ESYT1: variants seen among roughly 807,000 people sequenced by gnomAD.
The protein encoded by ESYT1 is extended synaptotagmin 1, also known as extended synaptotagmin-1.
In ESYT1, 116 loss-of-function variants were observed where a neutral mutation model predicts 154.2. The observed-to-expected ratio is 0.75, with a 90% CI of 0.65 to 0.88. The LOEUF is 0.88. Ranked by LOEUF, ESYT1 falls within the 40% of genes least tolerant of loss-of-function variation. The pLI is 0.00. For missense variants in ESYT1, 1,264 were observed against 1,379.3 expected (o/e 0.92, Z 1.32); for synonymous variants, 500 against 539.9 (o/e 0.93, Z 1.02).
In ESYT1 at chr12:56,138,444, C is replaced by G; in HGVS notation, c.2378C>G (p.Ala793Gly). ...AGTTTGATCCAGACTCAGAAGAGTG[C>G]GGAGCTGGCTGCGGCCCTGCTATCC... ...VNSLIQTQKS[A>G]ELAAALLSIY... The change falls in exon 22 of 31, where the codon GCG (alanine) becomes GGG (glycine). Residue 793 changes from alanine to glycine, a missense_variant. Physicochemically the swap from Ala to Gly is moderately conservative, Grantham distance 60 (BLOSUM62 0). Transcript: ENST00000394048. 6.2e-7 allele frequency: 1 copy of G among 1,613,326 alleles called. No individual in the cohort carries two copies. The highest frequency in any genetic ancestry group is 8.5e-7 in the Non-Finnish European group (1 of 1,179,836).
chr12:56,129,319 G>A (rs973840987), intron 1 of ESYT1: 1 of 159,774 alleles, frequency 6.3e-6, no homozygotes, highest in African/African-American at 2.4e-5. Context: ...AGGAGGTGGT[G>A]CGGCTGCTGC....
intron 24 of ESYT1, among the ~76,000 whole-genome samples, chr12:56,139,516 A>T (rs1870603319): frequency 6.6e-6 from 1 of 151,958 alleles, no homozygotes; most frequent in African/African-American, 2.4e-5. Context: ...CACTGTGGGG[A>T]AGAAAGGAAG....
chr12:56,136,922 TG>T (rs1470910803), intron 16 of ESYT1, 29 bp downstream of exon 16: 2 of 1,553,530 alleles, frequency 1.3e-6, no homozygotes, highest in Non-Finnish European at 1.7e-6. Flanking sequence ...TACTGAGGTG[TG>T]GGGGAAAGGC....
In ESYT1 at chr12:56,142,913, C is replaced by T. The variant is rs1279667140; in HGVS notation, c.2967C>T (p.Val989=). Reference sequence around the variant, plus strand: ...ACTACAGTGAAGAACGAAAGCTGGTCAGCATTGTTCATGGTTGCCGGTGAG... The same window carrying T: ...ACTACAGTGAAGAACGAAAGCTGGTTAGCATTGTTCATGGTTGCCGGTGAG... ...LWYYSEERKL[V]SIVHGCRSLR... The change falls in exon 27 of 31, where the codon GTC becomes GTT. Residue 989 remains valine, a synonymous_variant. Transcript: ENST00000394048. The surrounding 1 kb of genome is among the most constrained non-coding windows in gnomAD (Gnocchi z 4.1). 14 of 1,614,130 alleles carry T rather than the reference C, an allele frequency of 8.7e-6. No homozygotes were observed. Among genetic ancestry groups the T allele is most frequent in the Non-Finnish European group, 1.1e-5 (13 of 1,180,042 alleles).
rs1870833970 is a variant in ESYT1, at chr12:56,144,276, G to A, written c.*414G>A. 2.8e-6 allele frequency: 3 copies of A among 1,072,522 alleles called. No homozygotes were observed. The highest frequency in any genetic ancestry group is 3.4e-6 in the Non-Finnish European group (3 of 881,670). 66.4% of individuals were successfully genotyped at this position (1,072,522 alleles called of 1,614,324 possible). On this transcript the variant is annotated 3_prime_UTR_variant, in exon 31 of 31. Coordinates refer to ENST00000394048, the MANE Select transcript of ESYT1 (RefSeq NM_015292.3). Reference sequence around the variant, plus strand: ...CTTCTTCCCTACCACACATGGGTGGGAAGGTGGACAGGCTAACCTCTCCAG... The same window carrying A: ...CTTCTTCCCTACCACACATGGGTGGAAAGGTGGACAGGCTAACCTCTCCAG...
Position 56,132,553 on chromosome 12 carries a change from G to A in ESYT1, c.1117G>A (p.Val373Ile). ...GGGTACCCAGACATTCTGCAGTCGT[G>A]TCATTGATGAAGAACTCAACCCACA... Reference protein sequence around the residue: ...RLGTQTFCSRVIDEELNPQWG... With the variant: ...RLGTQTFCSRIIDEELNPQWG... The change falls in exon 9 of 31, where the codon GTC (valine) becomes ATC (isoleucine). Residue 373 changes from valine (V) to isoleucine (I), a missense_variant. Coordinates refer to ENST00000394048, the MANE Select transcript of ESYT1 (RefSeq NM_015292.3). 1 of 1,614,224 alleles carries A rather than the reference G, an allele frequency of 6.2e-7. No individual in the cohort carries two copies. The highest frequency in any genetic ancestry group is 1.3e-5 in the African/African-American group (1 of 75,066).
intron 4 of ESYT1, 53 bp from the exon 5 acceptor site, chr12:56,131,191 G>T (rs908373155): frequency 3.7e-6 from 6 of 1,613,464 alleles, no homozygotes; most frequent in Non-Finnish European, 5.1e-6. Flanking sequence ...CCCCCTCCCC[G>T]CAACTTCAGC....
chr12:56,142,779 T>C lies in ESYT1; in HGVS notation c.2888+47T>C, dbSNP rs1171112868. 2 of 1,613,380 alleles carry C rather than the reference T, an allele frequency of 1.2e-6. No homozygotes were observed. Among genetic ancestry groups the C allele is most frequent in the Non-Finnish European group, 1.7e-6 (2 of 1,179,786 alleles). ...GTGGGACGCAGTCAGAAATAAAAAG[T>C]ATTACAGGTTCACTAGGCTCTAGCT... On this transcript the variant is annotated intron_variant, in intron 26 of 30. Coordinates refer to ENST00000394048, the MANE Select transcript of ESYT1 (RefSeq NM_015292.3). The surrounding 1 kb of genome is among the most constrained non-coding windows in gnomAD (Gnocchi z 4.1).
intron 1 of ESYT1, chr12:56,129,262 ACTGCAGCG>A (rs1171172018): frequency 1.3e-5 from 2 of 159,814 alleles, no homozygotes; most frequent in African/African-American, 4.8e-5. Flanking sequence ...CAGCCGCCAG[ACTGCAGCG>A]CGGCAGAGGC....
At position 56,143,125 on chromosome 12, in the gene ESYT1, C is replaced by T. The variant is rs1183013930; in HGVS notation, c.3096C>T (p.Thr1032=). 1 of 1,613,962 alleles carries T rather than the reference C, an allele frequency of 6.2e-7. No homozygotes were observed. Among genetic ancestry groups the T allele is most frequent in the East Asian group, 2.2e-5 (1 of 44,896 alleles). ...GGAGGACCTCACAGAAGAAGAGGAC[C>T]CTGAGTCCTGAATTTAATGAACGGT... The part of the protein sequence containing the change: ...TKRRTSQKKR[T]LSPEFNERFE... The change falls in exon 28 of 31, where the codon ACC becomes ACT. Residue 1032 remains threonine (T), a synonymous_variant. Transcript: ENST00000394048.
At position 56,139,109 on chromosome 12, in the gene ESYT1, AC is replaced by A. The variant is rs1265060657; in HGVS notation, c.2592+97del. 1.6e-5 allele frequency: 14 copies of A among 863,836 alleles called. No homozygotes were observed. The Admixed American group carries it at 3.5e-4, about 22-fold the overall frequency. 53.5% of individuals were successfully genotyped at this position (863,836 alleles called of 1,614,324 possible). A position where few individuals can be genotyped will look rare whatever the true frequency, so the allele number is the denominator to read the frequency against. ...CATTCAGAGATGAGATAAAAGGTTG[AC>A]TTTTTTTTTTTTTTTTGAGACAGAG... On this transcript the variant is annotated intron_variant, in intron 24 of 30. Coordinates refer to ENST00000394048, the MANE Select transcript of ESYT1 (RefSeq NM_015292.3).
chr12:56,131,247 T>C lies in ESYT1; in HGVS notation c.645T>C (p.Tyr215=), dbSNP rs1023916297. 7 of 1,614,034 alleles carry C rather than the reference T, an allele frequency of 4.3e-6. No homozygotes were observed. Among genetic ancestry groups the C allele is most frequent in the Non-Finnish European group, 5.9e-6 (7 of 1,180,020 alleles). Residue 215 remains tyrosine, a synonymous_variant, in exon 5 of 31, where the codon TAT becomes TAC. Transcript: ENST00000394048. ...TCTCTTCTTCACCAATCCCCAGCTA[T>C]GTAGGTGATGTGCAGATTGATGTGG... The part of the protein sequence containing the change: ...EQILLDLNIS[Y]VGDVQIDVEV...
intron 24 of ESYT1, among the ~76,000 whole-genome samples, chr12:56,140,424 G>A (rs1478067862): frequency 3.3e-5 from 5 of 152,136 alleles, no homozygotes; most frequent in African/African-American, 4.8e-5. Flanking sequence ...GGAGTACAGT[G>A]ATACGATCTC....
At chr12:56,139,408 G>A (rs1329980761) in intron 24 of ESYT1, among the ~76,000 whole-genome samples, 20 of 151,648 alleles carry the variant, frequency 1.3e-4, no homozygotes, top group African/African-American at 3.6e-4. Flanking sequence ...CACCGCACCC[G>A]GCCAAAAGAT....
chr12:56,143,516 GA>G, intron 29 of ESYT1, 63 bp from the exon 30 acceptor site: 1 of 1,597,820 alleles, frequency 6.3e-7, no homozygotes, highest in Non-Finnish European at 8.6e-7. Flanking sequence ...AGCATCATCA[GA>G]ATGAGATCCT....
chr12:56,130,526 G>A, intron 1 of ESYT1, 56 bp from the exon 2 acceptor site: 1 of 1,606,948 alleles, frequency 6.2e-7, no homozygotes, highest in Non-Finnish European at 8.5e-7. Context: ...ATCTTAGTAG[G>A]AAACCAGAGG....
At chr12:56,134,701 C>T (rs1403467869) in intron 15 of ESYT1, among the ~76,000 whole-genome samples, 3 of 151,776 alleles carry the variant, frequency 2.0e-5, no homozygotes, top group African/African-American at 7.3e-5. Flanking sequence ...TGGGTTCAAG[C>T]AATTCTCCTG....
chr12:56,129,734 C>G (rs552325601), intron 1 of ESYT1: 2 of 152,350 alleles, frequency 1.3e-5, no homozygotes, highest in African/African-American at 4.8e-5. Flanking sequence ...TGTCCTTTCC[C>G]TTAAAAGGAG....
At chr12:56,141,556 C>T (rs184260391) in intron 24 of ESYT1, among the ~76,000 whole-genome samples, 452 of 152,194 alleles carry the variant, frequency 3.0e-3, no homozygotes, top group Non-Finnish European at 4.0e-3. Flanking sequence ...CTGGCTAACA[C>T]GGTGAAACCC....
Sources: allele counts gnomAD v4.1 joint callset (sites outside exome capture counted in the v4.1 genomes callset), GRCh38; gene constraint gnomAD v4.1.1; non-coding constraint Gnocchi (gnomAD v3.1); transcripts MANE v1.5; gene names NCBI Gene and HGNC (gene_info 2026-07-23, HGNC 2026-07-21).